The following DOCK3 variants were observed in gnomAD, a reference collection of about 807,000 sequenced individuals.
The protein encoded by DOCK3 is dedicator of cytokinesis protein 3.
In DOCK3, 60 loss-of-function variants were observed where a neutral mutation model predicts 265.6. That is an observed-to-expected ratio of 0.23 (90% CI 0.18 to 0.28). DOCK3 has a LOEUF of 0.28. Ranked by LOEUF, DOCK3 falls within the 10% of genes least tolerant of loss-of-function variation. The pLI is 1.00. For missense variants in DOCK3, 1,981 were observed against 2,594.3 expected (o/e 0.76, Z 5.14); for synonymous variants, 881 against 938.0 (o/e 0.94, Z 1.11).
intron 3 of DOCK3, among the ~76,000 whole-genome samples, chr3:50,870,208 G>A (rs1559748153): frequency 6.6e-6 from 1 of 151,992 alleles, no homozygotes; most frequent in Non-Finnish European, 1.5e-5. Context: ...CTGAAAGTGG[G>A]GTGTTGATGT....
chr3:51,158,147 C>T (rs1262159200), intron 10 of DOCK3, among the ~76,000 whole-genome samples: 2 of 152,098 alleles, frequency 1.3e-5, no homozygotes, highest in Non-Finnish European at 2.9e-5. Context: ...AAATCTGAAA[C>T]AGAATATATA....
intron 2 of DOCK3, among the ~76,000 whole-genome samples, chr3:50,820,477 T>C (rs1001610323): frequency 2.0e-5 from 3 of 152,256 alleles, no homozygotes; most frequent in Admixed American, 6.5e-5. Flanking sequence ...TCCAGCTGCA[T>C]CCATGTTGCT....
At chr3:51,122,183 A>C (rs1304805424) in intron 9 of DOCK3, among the ~76,000 whole-genome samples, 1 of 152,248 alleles carries the variant, frequency 6.6e-6, no homozygotes, top group Admixed American at 6.5e-5. Flanking sequence ...TTCTAATATC[A>C]GAATTAAACA....
At chr3:50,717,564 A>T (rs1037323667) in intron 1 of DOCK3, among the ~76,000 whole-genome samples, 4 of 152,110 alleles carry the variant, frequency 2.6e-5, no homozygotes, top group Non-Finnish European at 4.4e-5. Context: ...CACCTACAGA[A>T]TAGTGTTTAT....
At chr3:50,900,614 A>C in intron 4 of DOCK3, 1 of 409,258 alleles carries the variant, frequency 2.4e-6, no homozygotes, top group South Asian at 1.8e-5. Context: ...TCGTGGATTT[A>C]TCTACCTTTG....
At chr3:51,279,339 C>T (rs759891042) in intron 26 of DOCK3, among the ~76,000 whole-genome samples, 6 of 152,112 alleles carry the variant, frequency 3.9e-5, no homozygotes, top group African/African-American at 7.2e-5. Context: ...AGTTTATAAA[C>T]ATTTGAAAAT....
At chr3:51,041,333 T>C (rs1490931889) in intron 5 of DOCK3, among the ~76,000 whole-genome samples, 1 of 145,982 alleles carries the variant, frequency 6.9e-6, no homozygotes, top group Non-Finnish European at 1.5e-5. Flanking sequence ...TTCTCCTGCC[T>C]CAGCCTCCCA....
At chr3:51,334,198 T>C (rs1458924233) in intron 35 of DOCK3, among the ~76,000 whole-genome samples, 2 of 152,202 alleles carry the variant, frequency 1.3e-5, no homozygotes, top group Admixed American at 6.5e-5. Context: ...TCATGGCTTT[T>C]GAATTAGTCC....
chr3:51,222,819 G>A (rs895220708), intron 14 of DOCK3, among the ~76,000 whole-genome samples: 9 of 152,114 alleles, frequency 5.9e-5, no homozygotes, highest in Non-Finnish European at 1.0e-4. Flanking sequence ...TAATCCTTCC[G>A]TTTTGAAACT....
intron 1 of DOCK3, among the ~76,000 whole-genome samples, chr3:50,717,281 T>C (rs933552518): frequency 2.0e-5 from 3 of 152,208 alleles, no homozygotes; most frequent in African/African-American, 4.8e-5. Context: ...ATGTTGGACA[T>C]GTAGAATCTC....
Position 50,934,032 on chromosome 3 carries a change from A to G in DOCK3, c.270A>G (p.Thr90=), listed in dbSNP as rs763513918. 1 of 1,611,372 alleles carries G rather than the reference A, an allele frequency of 6.2e-7. No individual in the cohort carries two copies. The highest frequency in any genetic ancestry group is 1.7e-5 in the Admixed American group (1 of 59,830). Residue 90 remains threonine, a synonymous_variant, in exon 5 of 53, where the codon ACA becomes ACG. Transcript: ENST00000266037. Reference sequence around the variant, plus strand: ...AAGATTCTATTGTGACTGAGGTTACAGCAACTCTACAAGAATGGGCAAGTT... The same window carrying G: ...AAGATTCTATTGTGACTGAGGTTACGGCAACTCTACAAGAATGGGCAAGTT... ...PLEDSIVTEV[T]ATLQEWASLW...
chr3:51,274,161 A>G (rs1372089042), intron 24 of DOCK3, among the ~76,000 whole-genome samples: 1 of 152,238 alleles, frequency 6.6e-6, no homozygotes, highest in Non-Finnish European at 1.5e-5. Context: ...GTTCAGTAGG[A>G]TTGGTGATAA....
chr3:51,100,360 G>A (rs1213492199), intron 9 of DOCK3, among the ~76,000 whole-genome samples: 1 of 152,220 alleles, frequency 6.6e-6, no homozygotes, highest in Non-Finnish European at 1.5e-5. Context: ...AGTATAGAGT[G>A]TCTGAAACTC....
At chr3:51,156,431 CT>C (rs2085855019) in intron 10 of DOCK3, among the ~76,000 whole-genome samples, 1 of 152,190 alleles carries the variant, frequency 6.6e-6, no homozygotes, top group African/African-American at 2.4e-5. Context: ...ATACATCACC[CT>C]TCTTATCTTT....
chr3:51,044,921 A>T (rs933102579), intron 5 of DOCK3, among the ~76,000 whole-genome samples: 1 of 152,190 alleles, frequency 6.6e-6, no homozygotes, highest in Non-Finnish European at 1.5e-5. Flanking sequence ...GCATAAGGGA[A>T]TATTGTGGTC....
At chr3:51,124,518 A>G (rs897538382) in intron 9 of DOCK3, among the ~76,000 whole-genome samples, 1 of 152,322 alleles carries the variant, frequency 6.6e-6, no homozygotes, top group East Asian at 1.9e-4. Flanking sequence ...GTGCAGGGCC[A>G]TGGCAGAAAG....
intron 27 of DOCK3, among the ~76,000 whole-genome samples, chr3:51,291,489 G>T (rs2081771021): frequency 6.6e-6 from 1 of 152,106 alleles, no homozygotes; most frequent in Non-Finnish European, 1.5e-5. Context: ...CGGCAGATTG[G>T]ACAACATAGG....
chr3:51,337,376 C>T (rs949693840), intron 35 of DOCK3, among the ~76,000 whole-genome samples: 1 of 152,178 alleles, frequency 6.6e-6, no homozygotes, highest in African/African-American at 2.4e-5. Flanking sequence ...ACCCTGACTC[C>T]CAGCTGTACT....
At chr3:50,977,601 T>C (rs2077505789) in intron 5 of DOCK3, among the ~76,000 whole-genome samples, 1 of 152,186 alleles carries the variant, frequency 6.6e-6, no homozygotes, top group South Asian at 2.1e-4. Flanking sequence ...TCAACTTTGG[T>C]GAATCTGACA....
Sources: gnomAD v4.1 joint callset for allele counts (sites outside exome capture counted in the v4.1 genomes callset) on GRCh38, gnomAD v4.1.1 for gene constraint, MANE v1.5 for transcripts, NCBI Gene and HGNC (gene_info 2026-07-23, HGNC 2026-07-21) for gene names.